The following MTX2 variants were observed in gnomAD, a reference collection of about 807,000 sequenced individuals.
MTX2 encodes the protein metaxin 2.
Under a neutral mutation model 42.3 loss-of-function variants are expected in MTX2, and 35 were observed. The observed-to-expected ratio is 0.83, with a 90% confidence interval of 0.63 to 1.10. The LOEUF (loss-of-function observed/expected upper bound fraction) is 1.10, where lower values mean the gene tolerates loss of function less well. Among genes scored for constraint, MTX2 ranks in the 50% least tolerant of loss-of-function variants. The pLI is 0.00. For synonymous variants in MTX2, 119 were observed against 100.9 expected, an observed-to-expected ratio of 1.18 and a Z score of -1.08; for missense variants, 307 against 304.1, an observed-to-expected ratio of 1.01 and a Z score of -0.07.
chr2:176,320,263 A>G (rs1684547684), intron 3 of MTX2, among the ~76,000 whole-genome samples: 1 of 152,118 alleles, frequency 6.6e-6, no homozygotes. Context: ...AAAAAGAAGC[A>G]TAGGTTTGAT....
At chr2:176,319,253 A>T (rs1253068184) in intron 3 of MTX2, among the ~76,000 whole-genome samples, 1 of 152,198 alleles carries the variant, frequency 6.6e-6, no homozygotes, top group Non-Finnish European at 1.5e-5. Flanking sequence ...TGAGTGTGCC[A>T]TGCCAGTTAT....
intron 4 of MTX2, among the ~76,000 whole-genome samples, chr2:176,325,684 A>G (rs1337374400): frequency 6.6e-6 from 1 of 151,818 alleles, no homozygotes; most frequent in African/African-American, 2.4e-5. Flanking sequence ...GGGGACCTGT[A>G]ATAATTCTGG....
At chr2:176,305,609 C>T (rs181458361) in intron 3 of MTX2, among the ~76,000 whole-genome samples, 65 of 152,180 alleles carry the variant, frequency 4.3e-4, no homozygotes, top group African/African-American at 1.4e-3. Flanking sequence ...TTTATCAGTG[C>T]GTTATTTATA....
At position 176,277,681 on chromosome 2, in the gene MTX2, C is replaced by T. The variant is rs374201459; in HGVS notation, c.40+8012C>T. Reference sequence around the variant, plus strand: ...CCTCCCAAAGTGCTGGGATTACAGGCGTGAGCCACCGTGCCCAGCCTTTAA... The same window carrying T: ...CCTCCCAAAGTGCTGGGATTACAGGTGTGAGCCACCGTGCCCAGCCTTTAA... On this transcript the variant is annotated intron_variant, in intron 1 of 9. Coordinates refer to ENST00000249442, the MANE Select transcript of MTX2 (RefSeq NM_006554.5). Among the ~76,000 whole-genome samples, 267 of 152,154 alleles carry T rather than the reference C, an allele frequency of 1.8e-3. 2 individuals carry two copies. The highest frequency in any genetic ancestry group is 5.8e-3 in the African/African-American group (242 of 41,518).
chr2:176,291,402 C>T (rs562471311), intron 1 of MTX2, among the ~76,000 whole-genome samples: 280 of 152,180 alleles, frequency 1.8e-3, no homozygotes, highest in Non-Finnish European at 3.5e-3. Context: ...TACTGATTAC[C>T]TGCTATGTGC....
At chr2:176,330,114 ATCTCC>A (rs1558945295) in intron 8 of MTX2, among the ~76,000 whole-genome samples, 2 of 150,996 alleles carry the variant, frequency 1.3e-5, no homozygotes, top group Admixed American at 6.6e-5. Context: ...ATAAAAATCT[ATCTCC>A]ACTAGTGGGA....
intron 1 of MTX2, among the ~76,000 whole-genome samples, chr2:176,285,304 A>T (rs1316472247): frequency 6.6e-6 from 1 of 152,152 alleles, no homozygotes; most frequent in Admixed American, 6.5e-5. Flanking sequence ...AAGTGCAATA[A>T]GTCTTTTAAG....
chr2:176,296,802 T>C, intron 1 of MTX2, 58 bp from the exon 2 acceptor site: 2 of 1,553,620 alleles, frequency 1.3e-6, no homozygotes, highest in Non-Finnish European at 1.8e-6. Flanking sequence ...ATTAATTTGG[T>C]TTGTTATTGA....
Position 176,289,728 on chromosome 2 carries a change from G to C in MTX2, c.41-7132G>C, listed in dbSNP as rs549347724. On this transcript the variant is annotated intron_variant, in intron 1 of 9. Transcript: ENST00000249442. The stretch of plus-strand genomic sequence containing the variant: ...AAGTTATTGCTTTGGTATGAAAGTG[G>C]TACAGGAATTTCTTTATCATGAAAT... 2.6e-5 allele frequency among the ~76,000 whole-genome samples: 4 copies of C among 152,110 alleles called. No individual in the cohort carries two copies. In the South Asian group the frequency reaches 8.3e-4, roughly 32 times the overall value.
Position 176,337,731 on chromosome 2 carries a change from T to C in MTX2, c.*67T>C. The C allele has an allele frequency of 7.1e-7, 1 of 1,408,982 alleles. No homozygotes were observed. The highest frequency in any genetic ancestry group is 1.6e-5 in the South Asian group (1 of 62,500). The allele number at this position is 1,408,982 out of a possible 1,614,324, so 87.3% of individuals were successfully genotyped here. ...TTTTACTTGAATGTTACATTAGATATTGGTGTCAGAATTTTAAAACCAAAT... is the reference window on the plus strand; with the variant it reads ...TTTTACTTGAATGTTACATTAGATACTGGTGTCAGAATTTTAAAACCAAAT... On this transcript the variant is annotated 3_prime_UTR_variant, in exon 10 of 10. Coordinates refer to ENST00000249442, the MANE Select transcript of MTX2 (RefSeq NM_006554.5).
At chr2:176,289,195 T>A (rs887411243) in intron 1 of MTX2, among the ~76,000 whole-genome samples, 1 of 152,070 alleles carries the variant, frequency 6.6e-6, no homozygotes, top group African/African-American at 2.4e-5. Flanking sequence ...AAATACTTAT[T>A]TTTTTGGGTC....
intron 1 of MTX2, among the ~76,000 whole-genome samples, chr2:176,295,031 T>C (rs770740748): frequency 1.2e-4 from 18 of 152,182 alleles, no homozygotes; most frequent in Non-Finnish European, 2.2e-4. Flanking sequence ...CCAGCATGTT[T>C]AGGGAATTAA....
chr2:176,334,202 A>G (rs889208725), intron 9 of MTX2, among the ~76,000 whole-genome samples: 3 of 151,796 alleles, frequency 2.0e-5, no homozygotes, highest in Admixed American at 1.3e-4. Context: ...GCATACATTG[A>G]TAGTTGAACT....
chr2:176,274,647 C>A (rs981356571), intron 1 of MTX2, among the ~76,000 whole-genome samples: 4 of 152,112 alleles, frequency 2.6e-5, no homozygotes, highest in Non-Finnish European at 5.9e-5. Context: ...GCATGCAAGG[C>A]GGGCAGTCAG....
chr2:176,305,465 G>A (rs1482894534), intron 3 of MTX2, among the ~76,000 whole-genome samples: 4 of 152,080 alleles, frequency 2.6e-5, no homozygotes, highest in Non-Finnish European at 5.9e-5. Flanking sequence ...CTGTACTTTC[G>A]ACTATTTTAT....
intron 3 of MTX2, among the ~76,000 whole-genome samples, chr2:176,320,344 A>G (rs527279284): frequency 6.6e-6 from 1 of 152,298 alleles, no homozygotes; most frequent in Admixed American, 6.5e-5. Flanking sequence ...TAGCATAGTT[A>G]CCACTACGCA....
intron 1 of MTX2, among the ~76,000 whole-genome samples, chr2:176,276,021 C>A (rs528722722): frequency 2.0e-5 from 3 of 152,216 alleles, no homozygotes; most frequent in Non-Finnish European, 4.4e-5. Flanking sequence ...TGAACTTGGG[C>A]AAATTAACTG....
intron 3 of MTX2, among the ~76,000 whole-genome samples, chr2:176,305,263 G>C (rs1327671162): frequency 6.6e-6 from 1 of 151,894 alleles, no homozygotes; most frequent in Non-Finnish European, 1.5e-5. Flanking sequence ...TTCATCCTAA[G>C]AATTTTAATT....
chr2:176,328,463 A>C (rs1482376170), intron 6 of MTX2, 78 bp downstream of exon 6: 1 of 940,568 alleles, frequency 1.1e-6, no homozygotes, highest in Non-Finnish European at 1.5e-6. Flanking sequence ...TTATGGGTTA[A>C]AGTTATTGAG....
Sources: gnomAD v4.1 joint callset for allele counts (sites outside exome capture counted in the v4.1 genomes callset) on GRCh38, gnomAD v4.1.1 for gene constraint, MANE v1.5 for transcripts, NCBI Gene and HGNC (gene_info 2026-07-23, HGNC 2026-07-21) for gene names.